The following LRP1 variants were observed in gnomAD, a reference collection of about 807,000 sequenced individuals.
The protein encoded by LRP1 is LDL receptor related protein 1, also known as prolow-density lipoprotein receptor-related protein 1.
A neutral mutation model predicts 541.5 loss-of-function variants in LRP1; 51 were observed. That is an observed-to-expected ratio of 0.09 (90% confidence interval 0.08 to 0.12). The LOEUF is 0.12. Ranked by LOEUF, LRP1 falls within the 10% of genes least tolerant of loss-of-function variation. The pLI, the probability that LRP1 is intolerant of heterozygous loss-of-function variation, is 1.00. For missense variants in LRP1, 3,878 were observed against 6,376.2 expected (o/e 0.61, Z 13.34); for synonymous variants, 2,219 against 2,470.8 (o/e 0.90, Z 3.02).
At position 57,167,039 on chromosome 12, in the gene LRP1, T is replaced by C. The variant is rs774576731; in HGVS notation, c.2907T>C (p.Ala969=). ...GTGGGGACCGCTCTGATGAGTCTGC[T>C]TCGTGTGGTAAGAGGGATGGGCAGA... ...DDCGDRSDES[A]SCAYPTCFPL... Residue 969 remains alanine, a synonymous_variant, in exon 18 of 89, where the codon GCT becomes GCC. Coordinates refer to ENST00000243077, the MANE Select transcript of LRP1 (RefSeq NM_002332.3). The C allele has an allele frequency of 6.2e-7, 1 of 1,613,434 alleles. No homozygotes were observed. The highest frequency in any genetic ancestry group is 8.5e-7 in the Non-Finnish European group (1 of 1,179,478).
Position 57,198,283 on chromosome 12 carries a change from C to A in LRP1, c.9410C>A (p.Thr3137Lys). 6.2e-7 allele frequency: 1 copy of A among 1,613,956 alleles called. No individual in the cohort carries two copies. The highest frequency in any genetic ancestry group is 8.5e-7 in the Non-Finnish European group (1 of 1,179,982). ...TCCAAGCTCAATGGGGCCTATCGGA[C>A]GGTGCTGGTCAGCTCTGGCCTCCGT... ...EVSKLNGAYR[T>K]VLVSSGLREP... The change falls in exon 59 of 89, where the codon ACG (threonine) becomes AAG (lysine). Residue 3137 changes from threonine to lysine, a missense_variant. Transcript: ENST00000243077.
intron 18 of LRP1, among the ~76,000 whole-genome samples, 162 bp from the exon 19 acceptor site, chr12:57,167,282 T>C (rs2136688953): frequency 6.6e-6 from 1 of 151,808 alleles, no homozygotes; most frequent in East Asian, 1.9e-4. Context: ...TGGGGATGAG[T>C]GAGTGGAGTT....
chr12:57,144,117 T>C (rs551792479), intron 4 of LRP1, among the ~76,000 whole-genome samples: 22 of 152,232 alleles, frequency 1.4e-4, no homozygotes, highest in South Asian at 6.2e-4. Flanking sequence ...CTCCCTGGAG[T>C]TCAACTCTAT....
intron 1 of LRP1, among the ~76,000 whole-genome samples, chr12:57,131,727 A>G (rs1253047058): frequency 1.3e-5 from 2 of 152,130 alleles, no homozygotes; most frequent in Admixed American, 1.3e-4. Context: ...TTCACTAGAC[A>G]TCTTTTTCTT....
In LRP1 at chr12:57,190,832, G is replaced by A; in HGVS notation, c.7059G>A (p.Glu2353=). 6.2e-7 allele frequency: 1 copy of A among 1,613,968 alleles called. No homozygotes were observed. Among genetic ancestry groups the A allele is most frequent in the Non-Finnish European group, 8.5e-7 (1 of 1,179,970 alleles). The change falls in exon 43 of 89, where the codon GAG becomes GAA. Residue 2353 remains glutamate, a synonymous_variant. Transcript: ENST00000243077. The part of the protein sequence containing the change: ...QNLMFWTNWN[E]QHPSIMRAAL... ...TCATGTTCTGGACCAACTGGAATGA[G>A]CAGCATCCCAGCATCATGCGGGCGG... is the stretch of plus-strand genomic sequence containing the variant.
At position 57,204,110 on chromosome 12, in the gene LRP1, C is replaced by T. The variant is rs2036716886; in HGVS notation, c.10952-300C>T. On this transcript the variant is annotated intron_variant, in intron 70 of 88. Transcript: ENST00000243077. This position sits in a 1 kb window ranked among gnomAD's most constrained non-coding sequence, Gnocchi z 5.3. ...CCCGCGTCCCCGCTGTGGAACTACA[C>T]AGCCCAGTGCTGTTCCCACGTCCCC... The T allele has an allele frequency of 3.4e-6, 1 of 292,382 alleles. No homozygotes were observed. The highest frequency in any genetic ancestry group is 4.7e-5 in the Admixed American group (1 of 21,352). 18.1% of individuals were successfully genotyped at this position (292,382 alleles called of 1,614,324 possible).
Position 57,194,592 on chromosome 12 carries a change from G to T in LRP1, c.8084G>T (p.Arg2695Ile). 1 of 1,612,422 alleles carries T rather than the reference G, an allele frequency of 6.2e-7. No individual in the cohort carries two copies. Among genetic ancestry groups the T allele is most frequent in the Non-Finnish European group, 8.5e-7 (1 of 1,179,888 alleles). The change falls in exon 50 of 89, where the codon AGA (arginine) becomes ATA (isoleucine). Residue 2695 changes from arginine (R) to isoleucine (I), a missense_variant. Around this residue, in one of 13 missense-constraint regions of LRP1, gnomAD observed 1,100 missense variants for 1,827.4 expected, o/e 0.60. Transcript: ENST00000243077. ...ERDCPGVKRP[R>I]CPLNYFACPS... ...CGCCCCCCAGGTGTGAAACGCCCCA[G>T]ATGCCCTCTGAATTACTTCGCCTGC... is the stretch of plus-strand genomic sequence containing the variant.
rs545990863 is a variant in LRP1, at chr12:57,207,905, G to A, written c.11860-133G>A. 4.1e-4 allele frequency: 404 copies of A among 976,046 alleles called. 1 individual carries two copies. The East Asian group carries it at 8.2e-3, about 20-fold the overall frequency. The allele number at this position is 976,046 out of a possible 1,614,324, so 60.5% of individuals were successfully genotyped here. On this transcript the variant is annotated intron_variant, in intron 76 of 88. Transcript: ENST00000243077. Reference sequence around the variant, plus strand: ...GAGTCTGGCGCATAAGCTCCATGCCGGTTGAATCTCTTTAAAGCCAGGGTC... The same window carrying A: ...GAGTCTGGCGCATAAGCTCCATGCCAGTTGAATCTCTTTAAAGCCAGGGTC...
chr12:57,130,046 T>C (rs1370992057), intron 1 of LRP1, among the ~76,000 whole-genome samples: 1 of 152,160 alleles, frequency 6.6e-6, no homozygotes, highest in Non-Finnish European at 1.5e-5. Context: ...CTCTTCCCTT[T>C]TTTTGTCAGC....
At position 57,146,731 on chromosome 12, in the gene LRP1, C is replaced by G. The variant is rs2136665119; in HGVS notation, c.841+1241C>G. ...CTGCTGTCCACAGCTCACCTGTGAT[C>G]AGACATGTGTCCTCCTTGGGGTGCT... is the stretch of plus-strand genomic sequence containing the variant. On this transcript the variant is annotated intron_variant, in intron 6 of 88. Transcript: ENST00000243077. 1.3e-5 allele frequency: 2 copies of G among 152,478 alleles called. 1 individual carries two copies. The highest frequency in any genetic ancestry group is 4.1e-4 in the South Asian group (2 of 4,832). The allele number at this position is 152,478 out of a possible 1,614,324, so 9.4% of individuals were successfully genotyped here.
Position 57,212,336 on chromosome 12 carries a change from G to A in LRP1, c.13494+75G>A. The A allele has an allele frequency of 6.2e-7, 1 of 1,613,398 alleles. No homozygotes were observed. Among genetic ancestry groups the A allele is most frequent in the South Asian group, 1.1e-5 (1 of 91,038 alleles). On this transcript the variant is annotated intron_variant, in intron 88 of 88. Coordinates refer to ENST00000243077, the MANE Select transcript of LRP1 (RefSeq NM_002332.3). This position sits in a 1 kb window ranked among gnomAD's most constrained non-coding sequence, Gnocchi z 5.0. ...TAACCAAAGGTGTTGGGTTAGGTGA[G>A]GGACGGAGGTGGGGGTGGGGTAACC...
At chr12:57,157,203 A>G (rs1379848004) in intron 10 of LRP1, among the ~76,000 whole-genome samples, 1 of 152,270 alleles carries the variant, frequency 6.6e-6, no homozygotes, top group Non-Finnish European at 1.5e-5. Flanking sequence ...TCTGGTCATC[A>G]GGATTAAGCA....
At chr12:57,129,413 A>C (rs2034991014) in intron 1 of LRP1, among the ~76,000 whole-genome samples, 1 of 151,668 alleles carries the variant, frequency 6.6e-6, no homozygotes, top group African/African-American at 2.4e-5. Context: ...CGGATTTGCA[A>C]TGTTCGGCTG....
In LRP1 at chr12:57,179,149, G is replaced by C; in HGVS notation, c.4738+128G>C. The C allele has an allele frequency of 7.3e-7, 1 of 1,364,688 alleles. No homozygotes were observed. Among genetic ancestry groups the C allele is most frequent in the Non-Finnish European group, 9.9e-7 (1 of 1,008,098 alleles). The allele number at this position is 1,364,688 out of a possible 1,614,324, so 84.5% of individuals were successfully genotyped here. A position where few individuals can be genotyped will look rare whatever the true frequency, so the allele number is the denominator to read the frequency against. On this transcript the variant is annotated intron_variant, in intron 28 of 88. Coordinates refer to ENST00000243077, the MANE Select transcript of LRP1 (RefSeq NM_002332.3). The surrounding 1 kb of genome is among the most constrained non-coding windows in gnomAD (Gnocchi z 6.8). ...GGGTCCCGATAGGAGAGGCTCCAGA[G>C]ACAGCCACTGTGAGAAGGGGCTGCA...
Position 57,211,152 on chromosome 12 carries a change from A to T in LRP1, c.12917-24A>T, listed in dbSNP as rs749148774. 138 of 1,610,968 alleles carry T rather than the reference A, an allele frequency of 8.6e-5. No individual in the cohort carries two copies. Among genetic ancestry groups the T allele is most frequent in the Non-Finnish European group, 1.1e-4 (134 of 1,177,796 alleles). On this transcript the variant is annotated intron_variant, in intron 83 of 88. Coordinates refer to ENST00000243077, the MANE Select transcript of LRP1 (RefSeq NM_002332.3). The surrounding 1 kb of genome is among the most constrained non-coding windows in gnomAD (Gnocchi z 4.3). ...CCCTCATGAGGGTGGGGCTTGAGGCACTTCTCTCCCTCCCCAACCACAGGG... is the reference window on the plus strand; with the variant it reads ...CCCTCATGAGGGTGGGGCTTGAGGCTCTTCTCTCCCTCCCCAACCACAGGG...
chr12:57,198,306 C>T lies in LRP1; in HGVS notation c.9433C>T (p.Arg3145Cys). Reference protein sequence around the residue: ...YRTVLVSSGLREPRALVVDVQ... With the variant: ...YRTVLVSSGLCEPRALVVDVQ... ...GACGGTGCTGGTCAGCTCTGGCCTCCGTGAGCCCAGGGCTCTGGTGGTGGA... is the reference window on the plus strand; with the variant it reads ...GACGGTGCTGGTCAGCTCTGGCCTCTGTGAGCCCAGGGCTCTGGTGGTGGA... The change falls in exon 59 of 89, where the codon CGT becomes TGT. Residue 3145 changes from arginine (R) to cysteine (C), a missense_variant. Around this residue, in one of 13 missense-constraint regions of LRP1, gnomAD observed 1,100 missense variants for 1,827.4 expected, o/e 0.60. Coordinates refer to ENST00000243077, the MANE Select transcript of LRP1 (RefSeq NM_002332.3). 2 of 1,613,906 alleles carry T rather than the reference C, an allele frequency of 1.2e-6. No individual in the cohort carries two copies. Among genetic ancestry groups the T allele is most frequent in the Non-Finnish European group, 1.7e-6 (2 of 1,179,972 alleles).
intron 6 of LRP1, chr12:57,149,972 C>T (rs866994495): frequency 6.8e-5 from 37 of 547,096 alleles, no homozygotes; most frequent in African/African-American, 5.3e-4. Context: ...AGGCAGGATC[C>T]TGGCAGTAGA....
Position 57,177,021 on chromosome 12 carries a change from C to T in LRP1, c.3992-20C>T, listed in dbSNP as rs963156292. The T allele has an allele frequency of 8.1e-6, 13 of 1,607,372 alleles. No homozygotes were observed. The highest frequency in any genetic ancestry group is 1.1e-5 in the Non-Finnish European group (13 of 1,174,964). ...AGCTCCCCAGGAGACGCTAACCTTT[C>T]ACTGCCCTCTCTTCTCCAGCCCTGA... On this transcript the variant is annotated intron_variant, in intron 24 of 88. Transcript: ENST00000243077. This position sits in a 1 kb window ranked among gnomAD's most constrained non-coding sequence, Gnocchi z 6.8.
rs1398990187 is a variant in LRP1, at chr12:57,145,269, A to C, written c.620A>C (p.Gln207Pro). 6.2e-7 allele frequency: 1 copy of C among 1,614,162 alleles called. No homozygotes were observed. ...CCTGTGCTGTTGATAGCCAACTCCC[A>C]GAACATCTTGGCCACGTACCTGAGT... Reference protein sequence around the residue: ...RPPVLLIANSQNILATYLSGA... With the variant: ...RPPVLLIANSPNILATYLSGA... The change falls in exon 6 of 89, where the codon CAG becomes CCG. Residue 207 changes from glutamine to proline, a missense_variant. Gln to Pro is a moderately conservative substitution (Grantham distance 76, BLOSUM62 -1). Coordinates refer to ENST00000243077, the MANE Select transcript of LRP1 (RefSeq NM_002332.3).
Sources: gnomAD v4.1 joint callset for allele counts (sites outside exome capture counted in the v4.1 genomes callset) on GRCh38, gnomAD v4.1.1 for gene constraint, gnomAD v4.1.1 regional missense constraint, Gnocchi (gnomAD v3.1) non-coding constraint, MANE v1.5 for transcripts, NCBI Gene and HGNC (gene_info 2026-07-23, HGNC 2026-07-21) for gene names.